ADRA1A: variants seen among roughly 807,000 people sequenced by gnomAD.
ADRA1A encodes the protein alpha-1A adrenergic receptor.
In ADRA1A, 31 loss-of-function variants were observed where a neutral mutation model predicts 29.6. That is an observed-to-expected ratio of 1.05 (90% confidence interval 0.79 to 1.41). The LOEUF is 1.41. Among genes scored for constraint, ADRA1A ranks in the 40% most tolerant of loss-of-function variants. The probability of loss-of-function intolerance (pLI) is 0.00; values close to 1 mark genes in which losing one functional copy is unlikely to be tolerated. For missense variants in ADRA1A, 619 were observed against 601.1 expected (o/e 1.03, Z -0.31); for synonymous variants, 311 against 254.3 (o/e 1.22, Z -2.12).
chr8:26,800,211 A>G (rs1470234055), intron 2 of ADRA1A, among the ~76,000 whole-genome samples: 1 of 152,166 alleles, frequency 6.6e-6, no homozygotes, highest in Non-Finnish European at 1.5e-5. Flanking sequence ...GTGAGCTGAG[A>G]TCGTGCCACT....
At chr8:26,816,975 G>A (rs947474843) in intron 2 of ADRA1A, among the ~76,000 whole-genome samples, 1 of 152,158 alleles carries the variant, frequency 6.6e-6, no homozygotes, top group Admixed American at 6.5e-5. Flanking sequence ...CAAGGATTCT[G>A]GGGTTAAAGA....
intron 2 of ADRA1A, among the ~76,000 whole-genome samples, chr8:26,862,588 T>A (rs1813557769): frequency 6.6e-6 from 1 of 152,202 alleles, no homozygotes; most frequent in Admixed American, 6.5e-5. Flanking sequence ...GTAAAGAGTG[T>A]AATTTCTATA....
At chr8:26,780,306 T>C (rs1481006117) in intron 2 of ADRA1A, among the ~76,000 whole-genome samples, 1 of 152,148 alleles carries the variant, frequency 6.6e-6, no homozygotes, top group Non-Finnish European at 1.5e-5. Context: ...GTTGGAGGCA[T>C]TTGTTGTTCC....
chr8:26,800,239 A>G lies in ADRA1A; in HGVS notation c.884-29573T>C, dbSNP rs1047865990. 2.0e-5 allele frequency among the ~76,000 whole-genome samples: 3 copies of G among 152,316 alleles called. 1 individual carries two copies. The highest frequency in any genetic ancestry group is 2.0e-4 in the Admixed American group (3 of 15,294). Reference sequence around the variant, plus strand: ...GTGCCACTGCACCCTAGCCTGGGTTACAGAGTGAGACTCGGTCTCAAAAAA... The same window carrying G: ...GTGCCACTGCACCCTAGCCTGGGTTGCAGAGTGAGACTCGGTCTCAAAAAA... On this transcript the variant is annotated intron_variant, in intron 2 of 2. Coordinates refer to ENST00000380573, the MANE Select transcript of ADRA1A (RefSeq NM_000680.4).
chr8:26,756,330 C>CAAT (rs1805163486), downstream of ADRA1A: 31 of 746,924 alleles, frequency 4.2e-5, no homozygotes, highest in Non-Finnish European at 5.6e-5. Context: ...TATTTTAACC[C>CAAT]ATAAAAGTTC....
chr8:26,757,075 A>G, intron 2 of ADRA1A: 1 of 703,050 alleles, frequency 1.4e-6, no homozygotes, highest in South Asian at 1.5e-5. Flanking sequence ...AATTTGGGCC[A>G]ACACCAATCC....
chr8:26,756,551 A>G, exon 3 of ADRA1A: 3 of 1,545,150 alleles, frequency 1.9e-6, no homozygotes, highest in Non-Finnish European at 2.6e-6. Context: ...TCCTTAAGTT[A>G]CTGTTTTTCC....
At chr8:26,782,548 T>C (rs553761554) in intron 2 of ADRA1A, among the ~76,000 whole-genome samples, 6 of 152,306 alleles carry the variant, frequency 3.9e-5, no homozygotes, top group Admixed American at 6.5e-5. Context: ...ATGTCACATT[T>C]AGAAATCTCA....
At chr8:26,758,146 G>A (rs556316580) in intron 2 of ADRA1A, among the ~76,000 whole-genome samples, 1 of 152,154 alleles carries the variant, frequency 6.6e-6, no homozygotes, top group East Asian at 1.9e-4. Context: ...GTGGTGTGGG[G>A]AATAACTGAG....
intron 2 of ADRA1A, among the ~76,000 whole-genome samples, chr8:26,847,338 C>T (rs1022526323): frequency 7.2e-5 from 11 of 152,124 alleles, no homozygotes; most frequent in Admixed American, 5.2e-4. Context: ...ACATCACCCC[C>T]GATTGAGAAC....
downstream of ADRA1A, chr8:26,768,724 T>C (rs1805928487): frequency 1.5e-5 from 3 of 201,238 alleles, no homozygotes; most frequent in Non-Finnish European, 2.7e-5. Context: ...TGATTATGTA[T>C]ATGCAAGTAT....
downstream of ADRA1A, among the ~76,000 whole-genome samples, chr8:26,752,070 A>ATT (rs1276944784): frequency 6.6e-6 from 1 of 151,988 alleles, no homozygotes; most frequent in South Asian, 2.1e-4. Flanking sequence ...TCATGTGGCA[A>ATT]TTTTGTTTTT....
At chr8:26,858,884 G>T in intron 2 of ADRA1A, 1 of 300,774 alleles carries the variant, frequency 3.3e-6, no homozygotes, top group Non-Finnish European at 5.6e-6. Flanking sequence ...ATTTAGACTT[G>T]GAAGCAGGCA....
chr8:26,836,133 T>G (rs1172682459), intron 2 of ADRA1A: 1 of 212,564 alleles, frequency 4.7e-6, no homozygotes, highest in Admixed American at 5.0e-5. Context: ...GAGGTGGAAG[T>G]CCAGGAAGTT....
intron 2 of ADRA1A, among the ~76,000 whole-genome samples, chr8:26,849,876 A>G (rs917056635): frequency 1.3e-5 from 2 of 152,084 alleles, no homozygotes; most frequent in Non-Finnish European, 2.9e-5. Flanking sequence ...ACGAAGATGG[A>G]CAGTGTGCCC....
chr8:26,813,770 T>C (rs1585745369), intron 2 of ADRA1A, among the ~76,000 whole-genome samples: 1 of 133,466 alleles, frequency 7.5e-6, no homozygotes, highest in Non-Finnish European at 1.6e-5. Flanking sequence ...TTTTTTAAGC[T>C]TTTTTTTCCA....
In ADRA1A at chr8:26,809,015, G is replaced by A. The variant is rs73558300; in HGVS notation, c.884-38349C>T. ...AAACTTGCTTTCTCTTTATTGATGA[G>A]TGAGCTCTTTAGGAGTAGACACCTG... On this transcript the variant is annotated intron_variant, in intron 2 of 2. Transcript: ENST00000380573. Among the ~76,000 whole-genome samples the A allele has an allele frequency of 3.7e-3, 562 of 152,224 alleles. 4 individuals are homozygous for A. Among genetic ancestry groups the A allele is most frequent in the African/African-American group, 0.012 (510 of 41,526 alleles).
Position 26,864,643 on chromosome 8 carries a change from G to C in ADRA1A, c.327C>G (p.Cys109Trp). The change falls in exon 2 of 3, where the codon TGC becomes TGG. Residue 109 changes from cysteine to tryptophan, a missense_variant. Cys to Trp is a radical substitution (Grantham distance 215, BLOSUM62 -2). Coordinates refer to ENST00000380573, the MANE Select transcript of ADRA1A (RefSeq NM_000680.4). The surrounding 1 kb of genome is among the most constrained non-coding windows in gnomAD (Gnocchi z 8.1). ...CNIWAAVDVL[C>W]CTASIMGLCI... ...AGAGGCCCATGATGGACGCGGTGCA[G>C]CACAGCACATCCACTGCCGCCCAGA... 1 of 1,614,218 alleles carries C rather than the reference G, an allele frequency of 6.2e-7. No individual in the cohort carries two copies. Among genetic ancestry groups the C allele is most frequent in the Non-Finnish European group, 8.5e-7 (1 of 1,180,054 alleles).
chr8:26,780,060 T>C (rs902122241), intron 2 of ADRA1A, among the ~76,000 whole-genome samples: 1 of 152,196 alleles, frequency 6.6e-6, no homozygotes, highest in South Asian at 2.1e-4. Flanking sequence ...ACATGTGTTA[T>C]GCATTATCTT....
Sources: allele counts gnomAD v4.1 joint callset (sites outside exome capture counted in the v4.1 genomes callset), GRCh38; gene constraint gnomAD v4.1.1; non-coding constraint Gnocchi (gnomAD v3.1); transcripts MANE v1.5; gene names NCBI Gene and HGNC (gene_info 2026-07-23, HGNC 2026-07-21).